Variants in CRYBG3 observed in about 807,000 individuals in gnomAD.
CRYBG3 encodes the protein very large A-kinase anchor protein.
In CRYBG3, 127 loss-of-function variants were observed where a neutral mutation model predicts 244.2. The observed-to-expected ratio is 0.52, with a 90% CI of 0.45 to 0.60. The LOEUF is 0.60. Ranked by LOEUF, CRYBG3 falls within the 20% of genes least tolerant of loss-of-function variation. The pLI is 0.00. For missense variants in CRYBG3, 3,325 were observed against 3,442.5 expected (o/e 0.97, Z 0.85); for synonymous variants, 1,132 against 1,195.8 (o/e 0.95, Z 1.10).
intron 15 of CRYBG3, among the ~76,000 whole-genome samples, chr3:97,902,836 T>A (rs903852838): frequency 6.6e-6 from 1 of 152,162 alleles, no homozygotes; most frequent in Non-Finnish European, 1.5e-5. Flanking sequence ...CTTTTTTTAA[T>A]TTTTCCCCCA....
intron 2 of CRYBG3, among the ~76,000 whole-genome samples, chr3:97,848,876 T>C (rs1448320561): frequency 6.6e-6 from 1 of 152,226 alleles, no homozygotes; most frequent in African/African-American, 2.4e-5. Context: ...TATAAATAGA[T>C]TACAGCACAG....
chr3:97,861,064 G>T (rs527855584), intron 2 of CRYBG3, among the ~76,000 whole-genome samples: 2 of 151,862 alleles, frequency 1.3e-5, no homozygotes, highest in South Asian at 2.1e-4. Flanking sequence ...TAATCAAATT[G>T]TTGTCTAATT....
intron 10 of CRYBG3, among the ~76,000 whole-genome samples, chr3:97,890,259 T>C (rs2039560490): frequency 6.6e-6 from 1 of 152,230 alleles, no homozygotes; most frequent in South Asian, 2.1e-4. Context: ...CTCCCAGAGA[T>C]ACTGTATTAG....
chr3:97,879,787 AT>A, intron 5 of CRYBG3, 39 bp downstream of exon 5: 1 of 1,454,518 alleles, frequency 6.9e-7, no homozygotes, highest in South Asian at 1.2e-5. Context: ...AAGGTTAAAC[AT>A]TAGGTAACTT....
intron 8 of CRYBG3, among the ~76,000 whole-genome samples, chr3:97,887,009 A>T (rs2039516074): frequency 6.6e-6 from 1 of 152,202 alleles, no homozygotes; most frequent in Non-Finnish European, 1.5e-5. Context: ...TTCATCCAAC[A>T]AATTCTGTGA....
chr3:97,895,684 G>T (rs373699011), intron 11 of CRYBG3, among the ~76,000 whole-genome samples: 15 of 152,248 alleles, frequency 9.9e-5, no homozygotes, highest in Middle Eastern at 3.4e-3. Flanking sequence ...ACCAACTTGC[G>T]CTGTAGTATC....
At chr3:97,861,248 C>G (rs1200782058) in intron 2 of CRYBG3, among the ~76,000 whole-genome samples, 1 of 152,100 alleles carries the variant, frequency 6.6e-6, no homozygotes, top group African/African-American at 2.4e-5. Flanking sequence ...GTCTAGAATA[C>G]TCTTAACACT....
chr3:97,926,091 A>G (rs748481259), intron 17 of CRYBG3, among the ~76,000 whole-genome samples: 8 of 151,990 alleles, frequency 5.3e-5, no homozygotes, highest in Non-Finnish European at 1.2e-4. Flanking sequence ...TCATTCTAAT[A>G]CCAAAACCTG....
chr3:97,829,199 A>C (rs1420736753), intron 1 of CRYBG3, among the ~76,000 whole-genome samples: 1 of 152,256 alleles, frequency 6.6e-6, no homozygotes, highest in Non-Finnish European at 1.5e-5. Flanking sequence ...CACTACATTA[A>C]CTTATTCAAA....
chr3:97,900,444 GT>G lies in CRYBG3; in HGVS notation c.7972-4del. On this transcript the variant is annotated splice_region_variant and splice_polypyrimidine_tract_variant and intron_variant, in intron 14 of 21. Coordinates refer to ENST00000389622, the MANE Select transcript of CRYBG3 (RefSeq NM_153605.4). The stretch of plus-strand genomic sequence containing the variant: ...TACAATTTTGAAAATGTTTTAATAT[GT>G]TTTTCAGGAACCACTTGGGATAAAT... The G allele has an allele frequency of 6.5e-7, 1 of 1,540,812 alleles. No individual in the cohort carries two copies. The highest frequency in any genetic ancestry group is 9.0e-7 in the Non-Finnish European group (1 of 1,116,738).
chr3:97,937,271 T>G (rs1283272742), intron 19 of CRYBG3, among the ~76,000 whole-genome samples: 2 of 152,066 alleles, frequency 1.3e-5, no homozygotes, highest in Admixed American at 1.3e-4. Context: ...TCAGGATGGA[T>G]CCTGGCAATT....
At chr3:97,913,330 C>T (rs185278751) in intron 16 of CRYBG3, among the ~76,000 whole-genome samples, 111 of 152,250 alleles carry the variant, frequency 7.3e-4, no homozygotes, top group South Asian at 1.2e-3. Flanking sequence ...TGCTTTCCTC[C>T]GTACCCACTA....
chr3:97,939,217 T>C (rs991030907), intron 19 of CRYBG3, among the ~76,000 whole-genome samples: 2 of 152,016 alleles, frequency 1.3e-5, no homozygotes, highest in Non-Finnish European at 2.9e-5. Context: ...AGTATGCTAT[T>C]TTCTTTCACT....
intron 4 of CRYBG3, among the ~76,000 whole-genome samples, chr3:97,879,468 G>A (rs2039420623): frequency 6.6e-6 from 1 of 152,138 alleles, no homozygotes; most frequent in Admixed American, 6.5e-5. Flanking sequence ...GTAGAGCTAT[G>A]CAAATATGAT....
rs773481228 is a variant in CRYBG3, at chr3:97,936,826, T to G, written c.8423T>G (p.Ile2808Ser). Reference sequence around the variant, plus strand: ...GGATCCAATTTCTTGGGAAGACAAATCCTACTCAGGCCTAATGAGATCCCA... The same window carrying G: ...GGATCCAATTTCTTGGGAAGACAAAGCCTACTCAGGCCTAATGAGATCCCA... ...YEGSNFLGRQ[I>S]LLRPNEIPNW... The change falls in exon 19 of 22, where the codon ATC (isoleucine) becomes AGC (serine). Residue 2808 changes from isoleucine (I) to serine (S), a missense_variant. Physicochemically the swap from Ile to Ser is moderately radical, Grantham distance 142 (BLOSUM62 -2). Transcript: ENST00000389622. 5 of 1,612,900 alleles carry G rather than the reference T, an allele frequency of 3.1e-6. No homozygotes were observed. Among genetic ancestry groups the G allele is most frequent in the Non-Finnish European group, 4.2e-6 (5 of 1,179,370 alleles).
chr3:97,822,121 C>T lies in CRYBG3; in HGVS notation c.-86C>T, dbSNP rs923563462. 14 of 1,285,224 alleles carry T rather than the reference C, an allele frequency of 1.1e-5. No individual in the cohort carries two copies. The East Asian group carries it at 4.2e-4, about 38-fold the overall frequency. 79.6% of individuals were successfully genotyped at this position (1,285,224 alleles called of 1,614,324 possible). A position where few individuals can be genotyped will look rare whatever the true frequency, so the allele number is the denominator to read the frequency against. Reference sequence around the variant, plus strand: ...CGAGTCGGTCTGCCCTAGCCGCATCCCGCGGCGCCCGGTCGGGCTCCGGGC... The same window carrying T: ...CGAGTCGGTCTGCCCTAGCCGCATCTCGCGGCGCCCGGTCGGGCTCCGGGC... On this transcript the variant is annotated 5_prime_UTR_variant, in exon 1 of 22. Transcript: ENST00000389622.
intron 7 of CRYBG3, among the ~76,000 whole-genome samples, chr3:97,884,998 C>T (rs1285343746): frequency 6.6e-6 from 1 of 151,988 alleles, no homozygotes; most frequent in African/African-American, 2.4e-5. Flanking sequence ...TATTTTGTTA[C>T]TATAACTCAG....
chr3:97,890,881 G>A (rs1003919293), intron 10 of CRYBG3, among the ~76,000 whole-genome samples: 1 of 152,084 alleles, frequency 6.6e-6, no homozygotes, highest in Non-Finnish European at 1.5e-5. Context: ...TGAAAAAACA[G>A]CAAAATAGTA....
In CRYBG3 at chr3:97,900,443, T is replaced by A. The variant is rs1453916251; in HGVS notation, c.7972-10T>A. On this transcript the variant is annotated splice_polypyrimidine_tract_variant and intron_variant, in intron 14 of 21. Coordinates refer to ENST00000389622, the MANE Select transcript of CRYBG3 (RefSeq NM_153605.4). ...TTACAATTTTGAAAATGTTTTAATA[T>A]GTTTTTCAGGAACCACTTGGGATAA... is the stretch of plus-strand genomic sequence containing the variant. 1 of 1,538,910 alleles carries A rather than the reference T, an allele frequency of 6.5e-7. No homozygotes were observed. Among genetic ancestry groups the A allele is most frequent in the East Asian group, 2.3e-5 (1 of 44,444 alleles).
Sources: gnomAD v4.1 joint callset for allele counts (sites outside exome capture counted in the v4.1 genomes callset) on GRCh38, gnomAD v4.1.1 for gene constraint, MANE v1.5 for transcripts, NCBI Gene and HGNC (gene_info 2026-07-23, HGNC 2026-07-21) for gene names.